Variants in MDGA1 observed in about 807,000 individuals in gnomAD.
The protein encoded by MDGA1 is MAM domain containing glycosylphosphatidylinositol anchor 1, also known as MAM domain-containing glycosylphosphatidylinositol anchor protein 1.
MDGA1 carries 54 observed loss-of-function variants against 101.5 expected under a neutral mutation model. The ratio of observed to expected loss-of-function variants is 0.53; its 90% CI spans 0.43 to 0.67. The LOEUF is 0.67. Ranked by LOEUF, MDGA1 falls within the 30% of genes least tolerant of loss-of-function variation. The probability of loss-of-function intolerance (pLI) is 0.00; values close to 1 mark genes in which losing one functional copy is unlikely to be tolerated. For synonymous variants in MDGA1, 533 were observed against 558.3 expected, an observed-to-expected ratio of 0.95 and a Z score of 0.64; for missense variants, 1,083 against 1,323.8, an observed-to-expected ratio of 0.82 and a Z score of 2.82.
chr6:37,661,945 A>G (rs1761633699), intron 2 of MDGA1, among the ~76,000 whole-genome samples: 1 of 151,952 alleles, frequency 6.6e-6, no homozygotes, highest in South Asian at 2.1e-4. Flanking sequence ...ACTTGAGCCC[A>G]GGAGGTCAAG....
At chr6:37,664,380 A>G (rs1270126637) in intron 1 of MDGA1, 1 of 441,918 alleles carries the variant, frequency 2.3e-6, no homozygotes, top group African/African-American at 2.0e-5. Flanking sequence ...GGGCTTTGTC[A>G]TCTGTACAGA....
chr6:37,695,682 C>T (rs529030585), intron 1 of MDGA1, among the ~76,000 whole-genome samples: 2 of 152,208 alleles, frequency 1.3e-5, no homozygotes, highest in African/African-American at 2.4e-5. Context: ...ACAGGTCAAC[C>T]TCCCCTGGAT....
At chr6:37,665,590 G>T (rs1045598910) in intron 1 of MDGA1, among the ~76,000 whole-genome samples, 1 of 152,184 alleles carries the variant, frequency 6.6e-6, no homozygotes, top group Non-Finnish European at 1.5e-5. Context: ...ACCATCTACT[G>T]CCAGACACCG....
intron 1 of MDGA1, among the ~76,000 whole-genome samples, chr6:37,691,725 C>T (rs1171835657): frequency 1.3e-5 from 2 of 152,226 alleles, no homozygotes; most frequent in Non-Finnish European, 2.9e-5. Context: ...CCTGTATCAG[C>T]ATTTAAATAC....
chr6:37,643,674 G>A (rs941746471), intron 14 of MDGA1, 135 bp downstream of exon 14: 34 of 1,264,094 alleles, frequency 2.7e-5, no homozygotes, highest in Non-Finnish European at 3.3e-5. Context: ...GTGCAGACCC[G>A]TCCAAGGACC....
chr6:37,660,826 G>T (rs1466390216), intron 2 of MDGA1, among the ~76,000 whole-genome samples: 1 of 152,084 alleles, frequency 6.6e-6, no homozygotes, highest in Non-Finnish European at 1.5e-5. Context: ...TGTACTCAGT[G>T]GGATTATCTT....
chr6:37,662,057 G>A (rs946970179), intron 2 of MDGA1, among the ~76,000 whole-genome samples: 2 of 151,958 alleles, frequency 1.3e-5, no homozygotes, highest in Non-Finnish European at 2.9e-5. Context: ...CAGGTACTTG[G>A]GAGGCTGAGG....
Position 37,638,828 on chromosome 6 carries a change from G to T in MDGA1, c.2537-161C>A. On this transcript the variant is annotated intron_variant, in intron 14 of 16. Transcript: ENST00000434837. The surrounding 1 kb of genome is among the most constrained non-coding windows in gnomAD (Gnocchi z 4.8). ...CTGGGTGCAATGTCCCATTCCTGCA[G>T]GGACACCCTCAGTGTGGGAAAGAGA... 1.1e-6 allele frequency: 1 copy of T among 876,914 alleles called. No homozygotes were observed. The highest frequency in any genetic ancestry group is 1.7e-6 in the Non-Finnish European group (1 of 582,950). The allele number at this position is 876,914 out of a possible 1,614,324, so 54.3% of individuals were successfully genotyped here. A position where few individuals can be genotyped will look rare whatever the true frequency, so the allele number is the denominator to read the frequency against.
At position 37,658,314 on chromosome 6, in the gene MDGA1, G is replaced by T; in HGVS notation, c.313C>A (p.Arg105Ser). The part of the protein sequence containing the change: ...IERIARTQGG[R>S]YYCKAENGVG... Reference sequence around the variant, plus strand: ...CCGTTCTCAGCCTTGCAGTAGTAGCGGCCGCCCTGCGTGCGTGCAATACGC... The same window carrying T: ...CCGTTCTCAGCCTTGCAGTAGTAGCTGCCGCCCTGCGTGCGTGCAATACGC... Residue 105 changes from arginine (R) to serine (S), a missense_variant, in exon 3 of 17, where the codon CGC becomes AGC. Coordinates refer to ENST00000434837, the MANE Select transcript of MDGA1 (RefSeq NM_153487.4). 6.2e-7 allele frequency: 1 copy of T among 1,612,516 alleles called. No homozygotes were observed. Among genetic ancestry groups the T allele is most frequent in the Non-Finnish European group, 8.5e-7 (1 of 1,179,524 alleles).
rs577038955 is a variant in MDGA1, at chr6:37,657,012, G to C, written c.383-1116C>G. Among the ~76,000 whole-genome samples the C allele has an allele frequency of 2.0e-5, 3 of 152,232 alleles. No individual in the cohort carries two copies. In the East Asian group the frequency reaches 5.8e-4, roughly 29 times the overall value. On this transcript the variant is annotated intron_variant, in intron 3 of 16. Coordinates refer to ENST00000434837, the MANE Select transcript of MDGA1 (RefSeq NM_153487.4). ...GATTGCCTCCCAGGGGGGAATTATT[G>C]ACTGGGAGGGGGCATGAAGGAACTT...
At position 37,643,937 on chromosome 6, in the gene MDGA1, T is replaced by C; in HGVS notation, c.2408A>G (p.Tyr803Cys). The C allele has an allele frequency of 6.2e-7, 1 of 1,613,780 alleles. No homozygotes were observed. The highest frequency in any genetic ancestry group is 8.5e-7 in the Non-Finnish European group (1 of 1,179,792). Residue 803 changes from tyrosine to cysteine, a missense_variant, in exon 14 of 17, where the codon TAC becomes TGC. By Grantham distance (194) the Tyr-to-Cys change is radical. Coordinates refer to ENST00000434837, the MANE Select transcript of MDGA1 (RefSeq NM_153487.4). ...TDISGTPEGY[Y>C]MFIETSRPRE... is the part of the protein sequence containing the mutation. ...AGGCCTCGATGTCTCGATGAACATG[T>C]AGTAGCCTGCGGGGAATGGGGAGAT...
intron 7 of MDGA1, 61 bp downstream of exon 7, chr6:37,651,950 C>G (rs1761373760): frequency 2.2e-6 from 3 of 1,394,652 alleles, no homozygotes; most frequent in Admixed American, 4.8e-5. Flanking sequence ...TCCCCACTAC[C>G]TCCTGTCTGT....
intron 1 of MDGA1, among the ~76,000 whole-genome samples, chr6:37,692,818 C>T (rs1169808844): frequency 6.6e-6 from 1 of 152,150 alleles, no homozygotes; most frequent in African/African-American, 2.4e-5. Flanking sequence ...CCCCTGCCCA[C>T]CCCCTCAAGG....
rs1291084320 is a variant in MDGA1, at chr6:37,633,150, G to A, written c.*4218C>T. ...GTCCCTTCTAGTTATAAGGGTCAAG[G>A]GATCCCCAGGAAAGAGTGGTCCTTC... is the stretch of plus-strand genomic sequence containing the variant. On this transcript the variant is annotated 3_prime_UTR_variant, in exon 17 of 17. Transcript: ENST00000434837. 6.6e-6 allele frequency: 1 copy of A among 152,080 alleles called. No homozygotes were observed. 9.4% of individuals were successfully genotyped at this position (152,080 alleles called of 1,614,324 possible). A position where few individuals can be genotyped will look rare whatever the true frequency, so the allele number is the denominator to read the frequency against.
At chr6:37,654,956 G>T (rs747004788) in intron 4 of MDGA1, 24 bp from the exon 5 acceptor site, 22 of 1,611,484 alleles carry the variant, frequency 1.4e-5, no homozygotes, top group East Asian at 2.2e-5. Context: ...GACCACTGGG[G>T]TGAGGTGCCT....
At chr6:37,677,185 T>C (rs1761998959) in intron 1 of MDGA1, among the ~76,000 whole-genome samples, 1 of 152,130 alleles carries the variant, frequency 6.6e-6, no homozygotes, top group East Asian at 1.9e-4. Flanking sequence ...AATGCACCTA[T>C]TAAACCAGTG....
chr6:37,651,975 C>G (rs950754643), intron 7 of MDGA1, 36 bp downstream of exon 7: 18 of 1,498,030 alleles, frequency 1.2e-5, no homozygotes, highest in Non-Finnish European at 1.6e-5. Flanking sequence ...CTCTCCACCC[C>G]CCTCACATTT....
rs34087406 is a variant in MDGA1 at position 37,658,968 on chromosome 6, CAAAAAAAAAAAA to C, written c.208-561_208-550del. Among the ~76,000 whole-genome samples, 4 of 109,512 alleles carry C rather than the reference CAAAAAAAAAAAA, an allele frequency of 3.7e-5. No individual in the cohort carries two copies. The South Asian group carries it at 9.5e-4, about 26-fold the overall frequency. The allele number at this position is 109,512 out of a possible 152,430, so 71.8% of individuals were successfully genotyped here. On this transcript the variant is annotated intron_variant, in intron 2 of 16. Coordinates refer to ENST00000434837, the MANE Select transcript of MDGA1 (RefSeq NM_153487.4). ...CCTGGGCAACGGAGCAAGACTGTTTCAAAAAAAAAAAAAAAAAAAAAGACTGATTTCCATCTT... is the reference window on the plus strand; with the variant it reads ...CCTGGGCAACGGAGCAAGACTGTTTCAAAAAAAAAGACTGATTTCCATCTT...
chr6:37,649,153 A>G lies in MDGA1; in HGVS notation c.1723T>C (p.Trp575Arg). The change falls in exon 9 of 17, where the codon TGG becomes CGG. Residue 575 changes from tryptophan to arginine, a missense_variant. This residue lies in a region of MDGA1 where 657 missense variants were observed against 771.4 expected (regional missense o/e 0.85). Transcript: ENST00000434837. ...GGCAGCAGCTGCCCTTTGAAACGCC[A>G]CACAGCCGAGGCGATGCGCTGGGGG... ...GSPQRIASAVWRFKGQLLPPP... is the reference protein window; with the variant it reads ...GSPQRIASAVRRFKGQLLPPP... The G allele has an allele frequency of 6.6e-7, 1 of 1,509,052 alleles. No homozygotes were observed. The highest frequency in any genetic ancestry group is 8.8e-7 in the Non-Finnish European group (1 of 1,135,106). The allele number at this position is 1,509,052 out of a possible 1,614,324, so 93.5% of individuals were successfully genotyped here.
Sources: allele counts gnomAD v4.1 joint callset (sites outside exome capture counted in the v4.1 genomes callset), GRCh38; gene constraint gnomAD v4.1.1; regional missense constraint gnomAD v4.1.1; non-coding constraint Gnocchi (gnomAD v3.1); transcripts MANE v1.5; gene names NCBI Gene and HGNC (gene_info 2026-07-23, HGNC 2026-07-21).